Variants in FAM149A observed in about 807,000 individuals in gnomAD.
The protein encoded by FAM149A is family with sequence similarity 149 member A, also known as protein FAM149A.
In FAM149A, 71 loss-of-function variants were observed where a neutral mutation model predicts 78.2. The observed-to-expected ratio is 0.91, with a 90% confidence interval of 0.75 to 1.11. The LOEUF (loss-of-function observed/expected upper bound fraction) is 1.11. Among genes scored for constraint, FAM149A ranks in the 50% least tolerant of loss-of-function variants. FAM149A has a pLI of 0.00. For missense variants in FAM149A, 1,036 were observed against 971.0 expected (o/e 1.07, Z -0.89); for synonymous variants, 446 against 410.5 (o/e 1.09, Z -1.04).
chr4:186,151,911 C>T lies in FAM149A; in HGVS notation c.798C>T (p.Asp266=), dbSNP rs192850325. ...TGTGCATTTCTGTTTAGGAATTTGA[C>T]GAAGCCAGTTCACAGTCAGTGCAGC... The change falls in exon 4 of 14, where the codon GAC becomes GAT. Residue 266 remains aspartate, a synonymous_variant. Coordinates refer to ENST00000389354, the MANE Select transcript of FAM149A (RefSeq NM_001367768.3). 1.4e-4 allele frequency: 221 copies of T among 1,613,912 alleles called. 1 individual carries two copies. The African/African-American group carries it at 1.8e-3, about 13-fold the overall frequency.
At chr4:186,169,064 C>T (rs927714735) in intron 13 of FAM149A, 4 of 329,990 alleles carry the variant, frequency 1.2e-5, no homozygotes, top group Admixed American at 6.5e-5. Context: ...TACAGCACGC[C>T]GAGTGGAGGT....
Position 186,128,483 on chromosome 4 carries a change from A to G in FAM149A, c.567-20690A>G, listed in dbSNP as rs546875579. Among the ~76,000 whole-genome samples the G allele has an allele frequency of 2.0e-5, 3 of 151,940 alleles. No homozygotes were observed. The South Asian group carries it at 6.2e-4, about 32-fold the overall frequency. ...CTCAGCTAAATATTATAAAAAAAAAAACCAAAAAGAGCAACGGAACCTTCC... is the reference window on the plus strand; with the variant it reads ...CTCAGCTAAATATTATAAAAAAAAAGACCAAAAAGAGCAACGGAACCTTCC... On this transcript the variant is annotated intron_variant, in intron 1 of 13. Coordinates refer to ENST00000389354, the MANE Select transcript of FAM149A (RefSeq NM_001367768.3).
At chr4:186,162,095 C>G (rs1294499683) in intron 8 of FAM149A, among the ~76,000 whole-genome samples, 1 of 152,184 alleles carries the variant, frequency 6.6e-6, no homozygotes, top group Non-Finnish European at 1.5e-5. Context: ...CCTTAGCTCA[C>G]GCTTTCTGTC....
rs987754401 is a variant in FAM149A, at chr4:186,155,934, GTA to G, written c.1230-65_1230-64del. ...TATACATGTACATACGTGAATGTGT[GTA>G]GATAGAATTATTTTAACTCTAAGCA... On this transcript the variant is annotated intron_variant, in intron 6 of 13. Coordinates refer to ENST00000389354, the MANE Select transcript of FAM149A (RefSeq NM_001367768.3). 8 of 1,305,874 alleles carry G rather than the reference GTA, an allele frequency of 6.1e-6. No individual in the cohort carries two copies. In the Admixed American group the frequency reaches 1.4e-4, roughly 23 times the overall value. 80.9% of individuals were successfully genotyped at this position (1,305,874 alleles called of 1,614,324 possible).
Position 186,144,905 on chromosome 4 carries a change from T to A in FAM149A, c.567-4268T>A. 1 of 963,474 alleles carries A rather than the reference T, an allele frequency of 1.0e-6. No individual in the cohort carries two copies. The highest frequency in any genetic ancestry group is 1.2e-6 in the Non-Finnish European group (1 of 821,062). The allele number at this position is 963,474 out of a possible 1,614,324, so 59.7% of individuals were successfully genotyped here. A position where few individuals can be genotyped will look rare whatever the true frequency, so the allele number is the denominator to read the frequency against. The stretch of plus-strand genomic sequence containing the variant: ...GGACCCCGGGCGCGCCCGGGCCGCC[T>A]GAGCTGGGCCAGCCGCGCGGCGGGC... On this transcript the variant is annotated intron_variant, in intron 1 of 13. Coordinates refer to ENST00000389354, the MANE Select transcript of FAM149A (RefSeq NM_001367768.3). This position sits in a 1 kb window ranked among gnomAD's most constrained non-coding sequence, Gnocchi z 4.2.
chr4:186,156,563 A>G (rs905613477), intron 7 of FAM149A, among the ~76,000 whole-genome samples: 5 of 152,038 alleles, frequency 3.3e-5, no homozygotes, highest in Non-Finnish European at 5.9e-5. Flanking sequence ...AATCCCAGCT[A>G]CTCGGGAGGC....
intron 1 of FAM149A, chr4:186,110,407 ATTATAC>A (rs2099310732): frequency 5.2e-6 from 3 of 579,478 alleles, no homozygotes; most frequent in East Asian, 3.3e-4. Flanking sequence ...TTTTTTTTTT[ATTATAC>A]TTTAAGTTTT....
intron 1 of FAM149A, among the ~76,000 whole-genome samples, chr4:186,134,999 T>A (rs1561395179): frequency 6.6e-6 from 1 of 152,188 alleles, no homozygotes; most frequent in Non-Finnish European, 1.5e-5. Flanking sequence ...GCGGTGGCTC[T>A]CGAAGTGCCA....
chr4:186,162,566 A>G (rs1579923071), intron 8 of FAM149A, among the ~76,000 whole-genome samples: 1 of 151,890 alleles, frequency 6.6e-6, no homozygotes, highest in Admixed American at 6.6e-5. Flanking sequence ...CCGTGCAGCT[A>G]CCCTCTCCGG....
intron 1 of FAM149A, among the ~76,000 whole-genome samples, chr4:186,139,261 G>T (rs1215863314): frequency 6.6e-6 from 1 of 152,082 alleles, no homozygotes; most frequent in Admixed American, 6.5e-5. Flanking sequence ...CCCTGCCTCA[G>T]CCCCCAAATC....
At chr4:186,150,510 C>T (rs547646982) in intron 3 of FAM149A, among the ~76,000 whole-genome samples, 9 of 134,388 alleles carry the variant, frequency 6.7e-5, no homozygotes, top group East Asian at 2.2e-4. Context: ...AGCTCCGCCT[C>T]CCGGGTTCAC....
At chr4:186,118,341 A>G (rs1055820165) in intron 1 of FAM149A, 2 of 581,854 alleles carry the variant, frequency 3.4e-6, no homozygotes, top group African/African-American at 2.0e-5. Context: ...CCAGGTAGCT[A>G]CTTGTTCCCT....
At chr4:186,152,839 C>T (rs1000590010) in intron 4 of FAM149A, among the ~76,000 whole-genome samples, 1 of 152,114 alleles carries the variant, frequency 6.6e-6, no homozygotes, top group Admixed American at 6.6e-5. Flanking sequence ...CCACCGCGCC[C>T]GGCCAAAGGC....
intron 1 of FAM149A, chr4:186,132,035 T>C: frequency 2.0e-6 from 2 of 985,444 alleles, no homozygotes; most frequent in South Asian, 4.7e-5. Context: ...CCATAAAAGA[T>C]TGGAACACAA....
rs375087441 is a variant in FAM149A, at chr4:186,154,618, C to T, written c.1209C>T (p.Phe403=). The change falls in exon 6 of 14, where the codon TTC becomes TTT. Residue 403 remains phenylalanine, a synonymous_variant. Transcript: ENST00000389354. Reference sequence around the variant, plus strand: ...TGGATGGAAAGATTGAGGAGTATTTCGCTTTTGACAGAAAAGAGGAGTAAA... The same window carrying T: ...TGGATGGAAAGATTGAGGAGTATTTTGCTTTTGACAGAAAAGAGGAGTAAA... 4.3e-6 allele frequency: 7 copies of T among 1,613,642 alleles called. No individual in the cohort carries two copies. The highest frequency in any genetic ancestry group is 1.3e-5 in the African/African-American group (1 of 74,890).
chr4:186,167,717 G>A, intron 13 of FAM149A: 1 of 260,698 alleles, frequency 3.8e-6, no homozygotes, highest in South Asian at 4.5e-5. Context: ...TTCTCAGCCT[G>A]GTATGCTGTT....
intron 10 of FAM149A, 63 bp downstream of exon 10, chr4:186,163,696 G>A: frequency 2.5e-6 from 3 of 1,217,792 alleles, no homozygotes; most frequent in Non-Finnish European, 3.6e-6. Context: ...TTCTCAGTTA[G>A]GGTTTATGGA....
At chr4:186,106,729 T>C (rs544149609) in intron 1 of FAM149A, among the ~76,000 whole-genome samples, 191 of 152,176 alleles carry the variant, frequency 1.3e-3, no homozygotes, top group African/African-American at 4.3e-3. Context: ...GGGCGGATCA[T>C]GAGGTCAGGA....
At chr4:186,109,048 CAT>C (rs2099310084) in intron 1 of FAM149A, 1 of 208,614 alleles carries the variant, frequency 4.8e-6, no homozygotes, top group African/African-American at 2.4e-5. Flanking sequence ...GGGGTTTCAC[CAT>C]GTTAGCCAGG....
Sources: gnomAD v4.1 joint callset for allele counts (sites outside exome capture counted in the v4.1 genomes callset) on GRCh38, gnomAD v4.1.1 for gene constraint, Gnocchi (gnomAD v3.1) non-coding constraint, MANE v1.5 for transcripts, NCBI Gene and HGNC (gene_info 2026-07-23, HGNC 2026-07-21) for gene names.